RALGDS: variants seen among roughly 807,000 people sequenced by gnomAD.
RALGDS encodes ral guanine nucleotide exchange factor.
In RALGDS, 44 loss-of-function variants were observed where a neutral mutation model predicts 99.8. The observed-to-expected ratio is 0.44, with a 90% CI of 0.35 to 0.57. RALGDS has a LOEUF of 0.57. Ranked by LOEUF, RALGDS falls within the 20% of genes least tolerant of loss-of-function variation. RALGDS has a pLI of 0.01. For synonymous variants in RALGDS, 529 were observed against 505.0 expected (o/e 1.05, Z -0.64); for missense variants, 1,022 against 1,203.1 (o/e 0.85, Z 2.23).
At chr9:133,101,838 T>C in intron 15 of RALGDS, 76 bp from the exon 16 acceptor site, 1 of 1,553,026 alleles carries the variant, frequency 6.4e-7, no homozygotes. Flanking sequence ...ATGGGGAACC[T>C]TCTAGAAGCT....
At chr9:133,129,256 A>G (rs754616703) in intron 1 of RALGDS, 18 of 1,596,732 alleles carry the variant, frequency 1.1e-5, no homozygotes, top group Non-Finnish European at 1.4e-5. Flanking sequence ...CAAAGAACAC[A>G]GAGCCCTTCC....
Position 133,121,190 on chromosome 9 carries a change from C to A in RALGDS, c.-36G>T, listed in dbSNP as rs1392380242. On this transcript the variant is annotated 5_prime_UTR_variant, in exon 1 of 18. Transcript: ENST00000372050. ...CAGCGCGGGCGCGGGGCCGGCCCGG[C>A]GCGCGGCGGGGGCGGCGGCGCGGCC... The A allele has an allele frequency of 3.3e-6, 3 of 897,896 alleles. No homozygotes were observed. The highest frequency in any genetic ancestry group is 1.3e-4 in the Admixed American group (2 of 14,950). The allele number at this position is 897,896 out of a possible 1,614,324, so 55.6% of individuals were successfully genotyped here.
intron 1 of RALGDS, among the ~76,000 whole-genome samples, chr9:133,146,388 C>T (rs979435315): frequency 3.3e-5 from 5 of 152,134 alleles, no homozygotes; most frequent in African/African-American, 1.2e-4. Flanking sequence ...GACGGGGTTT[C>T]ACCACGTTGG....
intron 4 of RALGDS, 130 bp downstream of exon 4, chr9:133,109,496 A>T: frequency 2.3e-6 from 2 of 866,638 alleles, no homozygotes; most frequent in Non-Finnish European, 3.9e-6. Context: ...CCAGCCCTCT[A>T]GCAGGAACCA....
At chr9:133,107,866 T>G in intron 6 of RALGDS, 122 bp downstream of exon 6, 2 of 1,286,210 alleles carry the variant, frequency 1.6e-6, no homozygotes, top group Non-Finnish European at 2.2e-6. Context: ...TTACTTGGTG[T>G]GTAGCAGCAG....
chr9:133,145,792 G>A (rs866966175), intron 1 of RALGDS, among the ~76,000 whole-genome samples: 1 of 152,168 alleles, frequency 6.6e-6, no homozygotes, highest in Non-Finnish European at 1.5e-5. Flanking sequence ...TGGTTCTAAC[G>A]TCTACTTCCT....
At chr9:133,127,337 AC>A (rs1377148491) in intron 1 of RALGDS, among the ~76,000 whole-genome samples, 3 of 152,166 alleles carry the variant, frequency 2.0e-5, no homozygotes, top group Non-Finnish European at 4.4e-5. Flanking sequence ...ACCTTTTCCA[AC>A]CTGGGCTTGG....
In RALGDS at chr9:133,102,216, C is replaced by G. The variant is rs760680325; in HGVS notation, c.2010-77G>C. On this transcript the variant is annotated intron_variant, in intron 14 of 17. Coordinates refer to ENST00000372050, the MANE Select transcript of RALGDS (RefSeq NM_006266.4). ...CCCCACAGCCCCTGCACCCTGCGCC[C>G]AAGGACTGTGCAAAGTGCTGGGACA... 4.6e-4 allele frequency: 678 copies of G among 1,463,710 alleles called. 2 individuals are homozygous for G. Among genetic ancestry groups the G allele is most frequent in the Non-Finnish European group, 5.9e-4 (641 of 1,077,932 alleles). The allele number at this position is 1,463,710 out of a possible 1,614,324, so 90.7% of individuals were successfully genotyped here.
chr9:133,100,000 G>A (rs1830680043), intron 17 of RALGDS: 1 of 535,862 alleles, frequency 1.9e-6, no homozygotes. Flanking sequence ...TGGCTAACCT[G>A]TCCCAGTGAA....
intron 10 of RALGDS, among the ~76,000 whole-genome samples, 182 bp from the exon 11 acceptor site, chr9:133,104,015 G>A (rs1461001702): frequency 6.6e-6 from 1 of 152,112 alleles, no homozygotes; most frequent in Non-Finnish European, 1.5e-5. Context: ...GGAAATGCCA[G>A]GTTCCCAAGT....
Position 133,115,754 on chromosome 9 carries a change from TAAAA to T in RALGDS, c.184-3606_184-3603del, listed in dbSNP as rs1831572666. Among the ~76,000 whole-genome samples the T allele has an allele frequency of 2.0e-5, 3 of 152,218 alleles. No individual in the cohort carries two copies. In the South Asian group the frequency reaches 6.2e-4, roughly 32 times the overall value. On this transcript the variant is annotated intron_variant, in intron 1 of 17. Transcript: ENST00000372050. ...GGGGCCGGCGACGGATGCTGGGCTG[TAAAA>T]ACCTGAGGGAAACTTGTCTGAGGCC... is the stretch of plus-strand genomic sequence containing the variant.
intron 17 of RALGDS, 36 bp from the exon 18 acceptor site, chr9:133,098,798 T>C (rs1830611411): frequency 6.2e-7 from 1 of 1,606,402 alleles, no homozygotes; most frequent in African/African-American, 1.3e-5. Context: ...TCAGGGATGC[T>C]CCTGGGGGCC....
At chr9:133,133,896 C>G (rs532312948), upstream of RALGDS, among the ~76,000 whole-genome samples, 73 of 152,318 alleles carry the variant, frequency 4.8e-4, 1 homozygote, top group Admixed American at 2.5e-3. Flanking sequence ...GTGCAGCTGT[C>G]GCTAGGAGCT....
intron 17 of RALGDS, chr9:133,098,987 C>T: frequency 1.8e-6 from 1 of 551,662 alleles, no homozygotes; most frequent in South Asian, 2.0e-5. Context: ...CAGGGACTGA[C>T]TCCAGAACCC....
At chr9:133,119,757 G>C (rs1357272735) in intron 1 of RALGDS, among the ~76,000 whole-genome samples, 1 of 151,962 alleles carries the variant, frequency 6.6e-6, no homozygotes, top group Non-Finnish European at 1.5e-5. Flanking sequence ...GAACACGTCT[G>C]GTCCGGCCAT....
At chr9:133,133,396 C>T (rs1319098396), upstream of RALGDS, among the ~76,000 whole-genome samples, 1 of 152,220 alleles carries the variant, frequency 6.6e-6, no homozygotes, top group Non-Finnish European at 1.5e-5. Context: ...CAGGGCCATG[C>T]ACCCCTCCTC....
Position 133,121,025 on chromosome 9 carries a change from G to C in RALGDS, c.130C>G (p.Pro44Ala). ...TGCGTGAAGCTGTGCAGCACCACCG[G>C]GCAGCTGTCGGGGACGCCCACCTCC... ...RLEVGVPDSC[P>A]VVLHSFTQLD... Residue 44 changes from proline to alanine, a missense_variant, in exon 1 of 18, where the codon CCG becomes GCG. Pro to Ala is a conservative substitution (Grantham distance 27). Around this residue, in one of 3 missense-constraint regions of RALGDS, gnomAD observed 180 missense variants for 169.3 expected, o/e 1.06. Transcript: ENST00000372050. The C allele has an allele frequency of 6.7e-7, 1 of 1,496,418 alleles. No homozygotes were observed. Among genetic ancestry groups the C allele is most frequent in the South Asian group, 1.2e-5 (1 of 80,184 alleles). 92.7% of individuals were successfully genotyped at this position (1,496,418 alleles called of 1,614,324 possible).
chr9:133,102,277 G>T, intron 14 of RALGDS, 138 bp from the exon 15 acceptor site: 1 of 1,127,686 alleles, frequency 8.9e-7, no homozygotes, highest in Non-Finnish European at 1.3e-6. Context: ...CCATCTGGGA[G>T]AGCATTTAGT....
At chr9:133,112,860 C>T (rs1003568626) in intron 1 of RALGDS, among the ~76,000 whole-genome samples, 2 of 152,206 alleles carry the variant, frequency 1.3e-5, no homozygotes, top group African/African-American at 4.8e-5. Context: ...TTCCCAGTTC[C>T]CTGACCATCA....
Sources: allele counts gnomAD v4.1 joint callset (sites outside exome capture counted in the v4.1 genomes callset), GRCh38; gene constraint gnomAD v4.1.1; regional missense constraint gnomAD v4.1.1; transcripts MANE v1.5; gene names NCBI Gene and HGNC (gene_info 2026-07-23, HGNC 2026-07-21).